GPBP1: variants seen among roughly 807,000 people sequenced by gnomAD.
GPBP1 encodes the protein vasculin.
Under a neutral mutation model 56.5 loss-of-function variants are expected in GPBP1, and 13 were observed. The observed-to-expected ratio is 0.23, with a 90% CI of 0.15 to 0.37. The LOEUF is 0.37. Among genes scored for constraint, GPBP1 ranks in the 10% least tolerant of loss-of-function variants. The pLI is 1.00. For synonymous variants in GPBP1, 204 were observed against 188.9 expected, an observed-to-expected ratio of 1.08 and a Z score of -0.66; for missense variants, 477 against 572.3, an observed-to-expected ratio of 0.83 and a Z score of 1.70.
intron 10 of GPBP1, among the ~76,000 whole-genome samples, chr5:57,259,550 G>C (rs1425608855): frequency 6.6e-6 from 1 of 152,122 alleles, no homozygotes; most frequent in Non-Finnish European, 1.5e-5. Context: ...GAAGAACTGA[G>C]GGCCCTGGCA....
At chr5:57,250,776 C>T (rs1160715959) in intron 9 of GPBP1, among the ~76,000 whole-genome samples, 178 bp from the exon 10 acceptor site, 2 of 151,848 alleles carry the variant, frequency 1.3e-5, no homozygotes, top group African/African-American at 4.8e-5. Context: ...AACTCCTGAC[C>T]TCAGATGATC....
At chr5:57,232,912 G>A (rs1219449282) in intron 5 of GPBP1, among the ~76,000 whole-genome samples, 1 of 152,158 alleles carries the variant, frequency 6.6e-6, no homozygotes, top group Non-Finnish European at 1.5e-5. Context: ...TATGTTTAAG[G>A]GATAAAAGGC....
chr5:57,179,548 G>T (rs1416708849), intron 2 of GPBP1, among the ~76,000 whole-genome samples: 1 of 152,154 alleles, frequency 6.6e-6, no homozygotes, highest in African/African-American at 2.4e-5. Flanking sequence ...TGTTTCCACA[G>T]GCATGGAGCT....
intron 2 of GPBP1, among the ~76,000 whole-genome samples, chr5:57,209,094 A>C (rs1189069080): frequency 6.6e-6 from 1 of 152,020 alleles, no homozygotes; most frequent in Non-Finnish European, 1.5e-5. Context: ...CTGCGAATTG[A>C]GTTGTTTTCC....
At chr5:57,189,022 C>G (rs1203405008) in intron 2 of GPBP1, among the ~76,000 whole-genome samples, 2 of 152,174 alleles carry the variant, frequency 1.3e-5, no homozygotes, top group Non-Finnish European at 2.9e-5. Flanking sequence ...GACGAAGTTT[C>G]ACTCTTGTTG....
chr5:57,220,834 T>TC (rs146138374), intron 3 of GPBP1, among the ~76,000 whole-genome samples: 16,639 of 152,186 alleles, frequency 0.11, 990 homozygotes, highest in South Asian at 0.13. Context: ...CACAATACTT[T>TC]CTAGTGATAC....
chr5:57,203,112 TTG>T (rs1021091333), intron 2 of GPBP1, among the ~76,000 whole-genome samples: 1 of 152,192 alleles, frequency 6.6e-6, no homozygotes, highest in African/African-American at 2.4e-5. Flanking sequence ...CAATTATATT[TTG>T]TGTGTTGTAT....
At chr5:57,186,884 T>C (rs889095388) in intron 2 of GPBP1, among the ~76,000 whole-genome samples, 6 of 152,088 alleles carry the variant, frequency 3.9e-5, no homozygotes, top group East Asian at 3.8e-4. Flanking sequence ...TTTTTTTTTT[T>C]CCATGTAAAT....
chr5:57,208,114 G>A (rs933244260), intron 2 of GPBP1, among the ~76,000 whole-genome samples: 2 of 152,046 alleles, frequency 1.3e-5, no homozygotes, highest in Non-Finnish European at 1.5e-5. Flanking sequence ...GAGCCCTCGC[G>A]AGGGACCATG....
At chr5:57,221,407 C>T in intron 3 of GPBP1, 1 of 1,497,040 alleles carries the variant, frequency 6.7e-7, no homozygotes, top group Non-Finnish European at 9.1e-7. Flanking sequence ...GTAAGTATTA[C>T]TGAAAGAATA....
chr5:57,203,152 TAAA>T (rs1414043128), intron 2 of GPBP1, among the ~76,000 whole-genome samples: 1 of 152,204 alleles, frequency 6.6e-6, no homozygotes, highest in Non-Finnish European at 1.5e-5. Flanking sequence ...AATTGAGAAT[TAAA>T]AACATTTGTT....
At chr5:57,234,140 C>CTCAGTACAATGTTAGTAATCATTTT (rs1756571238) in intron 5 of GPBP1, among the ~76,000 whole-genome samples, 2 of 152,058 alleles carry the variant, frequency 1.3e-5, no homozygotes, top group Admixed American at 6.5e-5. Context: ...TTACAATAAT[C>CTCAGTACAATGTTAGTAATCATTTT]TCAGTACAAT....
intron 2 of GPBP1, among the ~76,000 whole-genome samples, chr5:57,208,273 G>T (rs1245436131): frequency 6.6e-6 from 1 of 152,096 alleles, no homozygotes; most frequent in Non-Finnish European, 1.5e-5. Context: ...TCATTTTGTT[G>T]CTCAGGCTGG....
intron 10 of GPBP1, among the ~76,000 whole-genome samples, chr5:57,252,370 C>T (rs1003411090): frequency 3.3e-5 from 5 of 152,034 alleles, no homozygotes; most frequent in Non-Finnish European, 2.9e-5. Flanking sequence ...TCCTTTCCCA[C>T]GTGGACAGCG....
chr5:57,176,984 T>A (rs1437289581), intron 2 of GPBP1, among the ~76,000 whole-genome samples: 1 of 152,214 alleles, frequency 6.6e-6, no homozygotes, highest in Non-Finnish European at 1.5e-5. Context: ...TTTGAAATAG[T>A]TTTGTTGAAA....
At chr5:57,212,255 A>T (rs1408227457) in intron 2 of GPBP1, among the ~76,000 whole-genome samples, 1 of 152,186 alleles carries the variant, frequency 6.6e-6, no homozygotes, top group Non-Finnish European at 1.5e-5. Flanking sequence ...CTGGCCAGGA[A>T]GTTGTTGGAA....
At chr5:57,224,880 A>G (rs903647827) in intron 3 of GPBP1, among the ~76,000 whole-genome samples, 6 of 151,520 alleles carry the variant, frequency 4.0e-5, no homozygotes, top group African/African-American at 9.7e-5. Context: ...ATCCTAGATC[A>G]TGAAGACAAT....
chr5:57,256,102 A>G (rs1741644543), intron 10 of GPBP1, among the ~76,000 whole-genome samples: 1 of 152,132 alleles, frequency 6.6e-6, no homozygotes, highest in East Asian at 1.9e-4. Context: ...CTAAAAATAC[A>G]AAAATTAGCT....
intron 2 of GPBP1, among the ~76,000 whole-genome samples, chr5:57,182,947 T>C (rs1161930110): frequency 6.6e-6 from 1 of 152,248 alleles, no homozygotes; most frequent in African/African-American, 2.4e-5. Context: ...CCTCCCAAAC[T>C]GTTGGGATTA....
Sources: gnomAD v4.1 joint callset for allele counts (sites outside exome capture counted in the v4.1 genomes callset) on GRCh38, gnomAD v4.1.1 for gene constraint, MANE v1.5 for transcripts, NCBI Gene and HGNC (gene_info 2026-07-23, HGNC 2026-07-21) for gene names.